Variants in CTNNA2 observed in about 807,000 individuals in gnomAD.
CTNNA2 encodes catenin alpha 2.
In CTNNA2, 42 loss-of-function variants were observed where a neutral mutation model predicts 101.0. The ratio of observed to expected loss-of-function variants is 0.42; its 90% confidence interval spans 0.32 to 0.54. The LOEUF is 0.54. CTNNA2 is among the 20% of genes least tolerant of loss of function. The probability of loss-of-function intolerance (pLI) is 0.14; values close to 1 mark genes in which losing one functional copy is unlikely to be tolerated. For synonymous variants in CTNNA2, 450 were observed against 456.4 expected (o/e 0.99, Z 0.18); for missense variants, 871 against 1,223.1 (o/e 0.71, Z 4.29).
At chr2:80,152,548 A>C (rs1018002787) in intron 7 of CTNNA2, among the ~76,000 whole-genome samples, 1 of 151,900 alleles carries the variant, frequency 6.6e-6, no homozygotes, top group Admixed American at 6.6e-5. Flanking sequence ...CATTTTTTTT[A>C]TTATTAAAAG....
At chr2:80,291,938 T>C (rs940829736) in intron 7 of CTNNA2, among the ~76,000 whole-genome samples, 3 of 152,224 alleles carry the variant, frequency 2.0e-5, no homozygotes, top group Non-Finnish European at 4.4e-5. Flanking sequence ...GGCTAAGGCC[T>C]GGCCAGTTAG....
chr2:80,242,471 A>G (rs778603409), intron 7 of CTNNA2, among the ~76,000 whole-genome samples: 5 of 152,144 alleles, frequency 3.3e-5, no homozygotes, highest in East Asian at 1.9e-4. Context: ...TCCTGCTTCA[A>G]TTTATCTCTC....
At chr2:79,409,328 C>A (rs1272266767) in intron 4 of CTNNA2, among the ~76,000 whole-genome samples, 5 of 152,040 alleles carry the variant, frequency 3.3e-5, no homozygotes, top group Non-Finnish European at 7.4e-5. Flanking sequence ...TCAATTTTGT[C>A]TTTTGTTGCC....
At chr2:79,710,327 A>C (rs1685660076) in intron 2 of CTNNA2, among the ~76,000 whole-genome samples, 1 of 152,192 alleles carries the variant, frequency 6.6e-6, no homozygotes, top group Non-Finnish European at 1.5e-5. Flanking sequence ...CACATATTTC[A>C]TATTTAAAAA....
At chr2:80,261,773 A>T (rs1229117196) in intron 7 of CTNNA2, among the ~76,000 whole-genome samples, 1 of 152,230 alleles carries the variant, frequency 6.6e-6, no homozygotes, top group South Asian at 2.1e-4. Context: ...ATAGAGGTTG[A>T]TGAATATTTG....
intron 2 of CTNNA2, among the ~76,000 whole-genome samples, chr2:79,292,682 A>G (rs1200209242): frequency 6.6e-6 from 1 of 152,230 alleles, no homozygotes; most frequent in Non-Finnish European, 1.5e-5. Flanking sequence ...CAATGGAAAC[A>G]AACAAAAAAA....
intron 7 of CTNNA2, among the ~76,000 whole-genome samples, chr2:80,254,933 A>G (rs1486858260): frequency 6.6e-6 from 1 of 152,090 alleles, no homozygotes; most frequent in Non-Finnish European, 1.5e-5. Flanking sequence ...CACTCTCCCT[A>G]TGAGTTGGAT....
At chr2:79,633,925 C>G (rs547998626) in intron 1 of CTNNA2, 1 of 152,216 alleles carries the variant, frequency 6.6e-6, no homozygotes, top group East Asian at 1.9e-4. Flanking sequence ...CTCAAATAAG[C>G]CCTAGCTAAT....
At chr2:79,738,267 C>T (rs1485376489) in intron 2 of CTNNA2, among the ~76,000 whole-genome samples, 1 of 152,172 alleles carries the variant, frequency 6.6e-6, no homozygotes, top group African/African-American at 2.4e-5. Flanking sequence ...CCCTAGAACA[C>T]TTACACTCTT....
At chr2:79,555,726 T>C (rs1411435799) in intron 1 of CTNNA2, among the ~76,000 whole-genome samples, 2 of 152,070 alleles carry the variant, frequency 1.3e-5, no homozygotes, top group Non-Finnish European at 2.9e-5. Context: ...AATGATATAA[T>C]AATTACTCAA....
intron 8 of CTNNA2, among the ~76,000 whole-genome samples, chr2:80,409,387 G>C (rs887522787): frequency 6.6e-6 from 1 of 152,150 alleles, no homozygotes; most frequent in African/African-American, 2.4e-5. Flanking sequence ...CAATACATTT[G>C]ACGGGAATAA....
At chr2:80,138,805 G>A (rs1368074957) in intron 7 of CTNNA2, among the ~76,000 whole-genome samples, 1 of 152,120 alleles carries the variant, frequency 6.6e-6, no homozygotes, top group African/African-American at 2.4e-5. Context: ...CACTAAAATT[G>A]TTAGCTAATA....
At chr2:79,315,489 T>C (rs1676475580) in intron 3 of CTNNA2, among the ~76,000 whole-genome samples, 2 of 152,194 alleles carry the variant, frequency 1.3e-5, no homozygotes. Flanking sequence ...TTCATAAAAA[T>C]GGAATCTTAC....
intron 18 of CTNNA2, among the ~76,000 whole-genome samples, chr2:80,626,186 T>C (rs1671665910): frequency 6.6e-6 from 1 of 152,116 alleles, no homozygotes; most frequent in African/African-American, 2.4e-5. Context: ...TAGTTTCAAC[T>C]ACAAATGATG....
In CTNNA2 at chr2:79,233,811, T is replaced by C. The variant is rs77073662; in HGVS notation, c.-406+35735T>C. ...CCTTTATCATTATGTACAGCCATTG[T>C]TTCTTCTTTCTGATTATTGTTGGTT... On this transcript the variant is annotated intron_variant, in intron 2 of 21. Coordinates refer to the CTNNA2 transcript ENST00000466387. Among the ~76,000 whole-genome samples the C allele has an allele frequency of 3.3e-3, 505 of 152,196 alleles. 2 individuals carry two copies. Among genetic ancestry groups the C allele is most frequent in the African/African-American group, 0.012 (492 of 41,524 alleles).
intron 3 of CTNNA2, among the ~76,000 whole-genome samples, chr2:79,769,070 T>G (rs1673384594): frequency 6.6e-6 from 1 of 152,144 alleles, no homozygotes; most frequent in African/African-American, 2.4e-5. Context: ...TTAGCCAGGA[T>G]GGTCTCGATC....
chr2:79,909,735 G>A lies in CTNNA2; in HGVS notation c.994G>A (p.Val332Met), dbSNP rs2104323007. ...GCGAGACGACCGGCGCGAGAGGATCGTGGCGGAGTGCAACGCCGTGCGGCA... is the reference window on the plus strand; with the variant it reads ...GCGAGACGACCGGCGCGAGAGGATCATGGCGGAGTGCAACGCCGTGCGGCA... ...CTRDDRRERI[V>M]AECNAVRQAL... The change falls in exon 7 of 19, where the codon GTG becomes ATG. Residue 332 changes from valine (V) to methionine (M), a missense_variant. Around this residue, in one of 5 missense-constraint regions of CTNNA2, gnomAD observed 647 missense variants for 831.5 expected, o/e 0.78. Transcript: ENST00000402739. 1 of 1,613,832 alleles carries A rather than the reference G, an allele frequency of 6.2e-7. No individual in the cohort carries two copies. The highest frequency in any genetic ancestry group is 8.5e-7 in the Non-Finnish European group (1 of 1,179,844).
intron 2 of CTNNA2, among the ~76,000 whole-genome samples, chr2:79,711,636 C>G (rs1204029549): frequency 6.6e-6 from 1 of 151,918 alleles, no homozygotes; most frequent in Non-Finnish European, 1.5e-5. Flanking sequence ...CAGAAAAGAC[C>G]CTGACTTTTG....
chr2:80,073,648 A>G (rs965802673), intron 7 of CTNNA2, among the ~76,000 whole-genome samples: 1 of 151,764 alleles, frequency 6.6e-6, no homozygotes, highest in Non-Finnish European at 1.5e-5. Flanking sequence ...GTCTCAGCCT[A>G]TGGTGAAGAA....
Sources: allele counts gnomAD v4.1 joint callset (sites outside exome capture counted in the v4.1 genomes callset), GRCh38; gene constraint gnomAD v4.1.1; regional missense constraint gnomAD v4.1.1; transcripts MANE v1.5; gene names NCBI Gene and HGNC (gene_info 2026-07-23, HGNC 2026-07-21).